ANXA8: variants seen among roughly 807,000 people sequenced by gnomAD.
ANXA8 encodes VAC-beta.
ANXA8 carries 9 observed loss-of-function variants against 26.8 expected under a neutral mutation model. The observed-to-expected ratio is 0.34, with a 90% confidence interval of 0.20 to 0.59. The LOEUF is 0.59. Among genes scored for constraint, ANXA8 ranks in the 20% least tolerant of loss-of-function variants. The pLI is 0.84. For missense variants in ANXA8, 83 were observed against 238.5 expected, an observed-to-expected ratio of 0.35 and a Z score of 4.29; for synonymous variants, 39 against 94.8, an observed-to-expected ratio of 0.41 and a Z score of 3.42.
At chr10:47,496,063 T>A in the ANXA8 span, 1 of 151,796 alleles carries the variant, frequency 6.6e-6, no homozygotes, top group Non-Finnish European at 1.5e-5. Context: ...GGCAGTAGAA[T>A]CTTCCTGAAG....
chr10:47,644,275 T>C, the ANXA8 span, among the ~76,000 whole-genome samples: 2 of 149,460 alleles, frequency 1.3e-5, no homozygotes. Context: ...AAGAGAAAAA[T>C]CATTATTTTC....
At chr10:47,493,117 C>A in the ANXA8 span, among the ~76,000 whole-genome samples, 1 of 151,584 alleles carries the variant, frequency 6.6e-6, no homozygotes, top group Non-Finnish European at 1.5e-5. Flanking sequence ...CATGCCATTG[C>A]TGTCTCCTTT....
chr10:47,549,857 A>G, the ANXA8 span, among the ~76,000 whole-genome samples: 1 of 143,492 alleles, frequency 7.0e-6, no homozygotes, highest in Non-Finnish European at 1.5e-5. Context: ...TAGTCCTGGC[A>G]CCTTGGGAGA....
the ANXA8 span, among the ~76,000 whole-genome samples, chr10:47,680,626 C>G: frequency 1.3e-5 from 2 of 149,446 alleles, no homozygotes; most frequent in Non-Finnish European, 2.9e-5. Context: ...CAGAGCAAGA[C>G]TCCATCTCAA....
At chr10:47,615,545 CA>C in the ANXA8 span, among the ~76,000 whole-genome samples, 6 of 72,486 alleles carry the variant, frequency 8.3e-5, 2 homozygotes, top group African/African-American at 2.4e-4. Flanking sequence ...TGTCCTAAGA[CA>C]AACTAAAATG....
chr10:47,708,488 A>G, the ANXA8 span, among the ~76,000 whole-genome samples: 9 of 142,872 alleles, frequency 6.3e-5, 1 homozygote, highest in South Asian at 6.7e-4. Flanking sequence ...ACTCATGGAC[A>G]TAGAGGTGAC....
chr10:47,747,320 C>T, the ANXA8 span, among the ~76,000 whole-genome samples: 1 of 151,436 alleles, frequency 6.6e-6, no homozygotes, highest in African/African-American at 2.4e-5. Context: ...AACACTTTCC[C>T]CTTGAGGCAT....
the ANXA8 span, among the ~76,000 whole-genome samples, chr10:47,701,547 G>A: frequency 8.6e-5 from 13 of 151,708 alleles, no homozygotes; most frequent in East Asian, 5.8e-4. Flanking sequence ...AGATCTCTAC[G>A]AACTGATATG....
the ANXA8 span, among the ~76,000 whole-genome samples, chr10:47,702,521 A>G: frequency 1.3e-5 from 2 of 150,880 alleles, no homozygotes; most frequent in East Asian, 3.9e-4. Context: ...TTGTATTTTT[A>G]GTAGAGATGG....
At chr10:47,485,904 C>T (rs1327075199), upstream of ANXA8, among the ~76,000 whole-genome samples, 24 of 151,858 alleles carry the variant, frequency 1.6e-4, 1 homozygote, top group South Asian at 2.1e-4. Context: ...GTCAGGAGAT[C>T]GAGACCATCC....
the ANXA8 span, among the ~76,000 whole-genome samples, chr10:47,952,428 T>C: frequency 1.3e-5 from 2 of 150,540 alleles, no homozygotes; most frequent in African/African-American, 2.5e-5. Flanking sequence ...TAAGATACAA[T>C]GGTCAGTAAA....
chr10:47,705,198 T>G, the ANXA8 span, among the ~76,000 whole-genome samples: 2 of 150,412 alleles, frequency 1.3e-5, no homozygotes, highest in African/African-American at 2.4e-5. Flanking sequence ...TATCAAGACT[T>G]AGTATGAACC....
chr10:47,498,931 G>A, the ANXA8 span, among the ~76,000 whole-genome samples: 11 of 116,988 alleles, frequency 9.4e-5, no homozygotes, highest in Admixed American at 5.0e-4. Context: ...GTAACACCTC[G>A]TCTCTACTAA....
chr10:47,750,857 A>C, the ANXA8 span: 2 of 151,936 alleles, frequency 1.3e-5, no homozygotes, highest in African/African-American at 4.8e-5. Flanking sequence ...CACACACACA[A>C]AAGTGTACAC....
chr10:47,943,018 G>A, the ANXA8 span, among the ~76,000 whole-genome samples: 1 of 141,874 alleles, frequency 7.0e-6, no homozygotes, highest in Non-Finnish European at 1.5e-5. Flanking sequence ...TCCTCAGTGG[G>A]TTTGCTCAGT....
the ANXA8 span, among the ~76,000 whole-genome samples, chr10:47,684,560 T>C: frequency 6.6e-6 from 1 of 151,926 alleles, no homozygotes; most frequent in African/African-American, 2.4e-5. Context: ...CATGAGTTTG[T>C]AAACTTTCTT....
chr10:47,960,732 ACCCTGTGTTGATCATG>A, the ANXA8 span, among the ~76,000 whole-genome samples: 1 of 146,858 alleles, frequency 6.8e-6, no homozygotes, highest in Admixed American at 6.7e-5. Context: ...ACTGACTTGC[ACCCTGTGTTGATCATG>A]CCCCCCCAAC....
chr10:47,687,961 G>A, the ANXA8 span, among the ~76,000 whole-genome samples: 167 of 151,876 alleles, frequency 1.1e-3, 1 homozygote, highest in South Asian at 4.4e-3. Context: ...TTAGCTGGGC[G>A]TGGTGGTAGA....
chr10:47,572,334 T>C, the ANXA8 span, among the ~76,000 whole-genome samples: 2 of 146,044 alleles, frequency 1.4e-5, no homozygotes, highest in East Asian at 2.0e-4. Context: ...TACCCTTTCA[T>C]CTCCTACTCT....
Sources: gnomAD v4.1 joint callset for allele counts (sites outside exome capture counted in the v4.1 genomes callset) on GRCh38, gnomAD v4.1.1 for gene constraint, MANE v1.5 for transcripts, NCBI Gene and HGNC (gene_info 2026-07-23, HGNC 2026-07-21) for gene names.